Variants in VPS13D observed in about 807,000 individuals in gnomAD.
VPS13D encodes the protein intermembrane lipid transfer protein VPS13D.
In VPS13D, 187 loss-of-function variants were observed where a neutral mutation model predicts 461.9. The ratio of observed to expected loss-of-function variants is 0.40; its 90% CI spans 0.36 to 0.46. VPS13D has a LOEUF of 0.46. Among genes scored for constraint, VPS13D ranks in the 20% least tolerant of loss-of-function variants. VPS13D has a pLI of 0.60. For synonymous variants in VPS13D, 1,951 were observed against 1,986.3 expected (o/e 0.98, Z 0.47); for missense variants, 4,711 against 5,364.9 (o/e 0.88, Z 3.81).
chr1:12,271,680 A>AG (rs968826070), intron 17 of VPS13D, among the ~76,000 whole-genome samples: 3 of 150,934 alleles, frequency 2.0e-5, no homozygotes, highest in Admixed American at 2.0e-4. Context: ...AAGAAGAAGA[A>AG]AAAAAAAAGA....
intron 63 of VPS13D, among the ~76,000 whole-genome samples, chr1:12,410,447 G>A (rs1644709453): frequency 6.6e-6 from 1 of 152,296 alleles, no homozygotes; most frequent in Non-Finnish European, 1.5e-5. Flanking sequence ...CCTACCAGAA[G>A]CTAAAAACTC....
chr1:12,400,285 C>T lies in VPS13D; in HGVS notation c.11739C>T (p.Asn3913=), dbSNP rs142797581. The part of the protein sequence containing the change: ...VIETGPAVQV[N]AVKFPSKSAL... ...AGACCGGCCCAGCTGTGCAAGTCAA[C>T]GCAGTGAAGTTCCCCAGTAAGAGTG... Residue 3913 remains asparagine (N), a synonymous_variant, in exon 61 of 70, where the codon AAC becomes AAT. Coordinates refer to ENST00000620676, the MANE Select transcript of VPS13D (RefSeq NM_015378.4). The T allele has an allele frequency of 9.1e-5, 147 of 1,613,978 alleles. 1 individual carries two copies. Among genetic ancestry groups the T allele is most frequent in the Admixed American group, 3.5e-4 (21 of 59,996 alleles).
intron 67 of VPS13D, among the ~76,000 whole-genome samples, chr1:12,468,573 T>C (rs1645522038): frequency 6.6e-6 from 1 of 152,158 alleles, no homozygotes; most frequent in Non-Finnish European, 1.5e-5. Flanking sequence ...GAAGGAAAGA[T>C]AGGTGTGGGT....
Position 12,260,783 on chromosome 1 carries a change from G to A in VPS13D, c.1201G>A (p.Glu401Lys), listed in dbSNP as rs778430207. The change falls in exon 11 of 70, where the codon GAA becomes AAA. Residue 401 changes from glutamate to lysine, a missense_variant. Physicochemically the swap from Glu to Lys is moderately conservative, Grantham distance 56. Coordinates refer to ENST00000620676, the MANE Select transcript of VPS13D (RefSeq NM_015378.4). Reference protein sequence around the residue: ...LVHDRFHKQEELAESLREPQF... With the variant: ...LVHDRFHKQEKLAESLREPQF... ...TCATGATCGATTTCACAAACAGGAAGAACTAGCAGAGGTAAGAAATCCTCT... is the reference window on the plus strand; with the variant it reads ...TCATGATCGATTTCACAAACAGGAAAAACTAGCAGAGGTAAGAAATCCTCT... 6.2e-7 allele frequency: 1 copy of A among 1,614,140 alleles called. No individual in the cohort carries two copies. The highest frequency in any genetic ancestry group is 8.5e-7 in the Non-Finnish European group (1 of 1,180,014).
At chr1:12,272,396 T>G (rs907325987) in intron 17 of VPS13D, among the ~76,000 whole-genome samples, 3 of 141,390 alleles carry the variant, frequency 2.1e-5, no homozygotes, top group African/African-American at 8.5e-5. Context: ...TGTTTTGGTG[T>G]GTGTGTGTGT....
chr1:12,290,836 A>C (rs936589020), intron 22 of VPS13D, among the ~76,000 whole-genome samples, 162 bp from the exon 23 acceptor site: 2 of 152,160 alleles, frequency 1.3e-5, no homozygotes, highest in Admixed American at 6.5e-5. Context: ...TATTGCATAA[A>C]ATATTTTTTG....
chr1:12,495,345 A>G lies in VPS13D; in HGVS notation c.12663-2155A>G, dbSNP rs1645942846. Among the ~76,000 whole-genome samples the G allele has an allele frequency of 6.6e-6, 1 of 151,548 alleles. No homozygotes were observed. Among genetic ancestry groups the G allele is most frequent in the Admixed American group, 6.6e-5 (1 of 15,204 alleles). ...GCTAATTTTTTGTATTTTTAGTAGT[A>G]TTTTTAGTTTCACCGTGTTAGCCAG... is the stretch of plus-strand genomic sequence containing the variant. On this transcript the variant is annotated intron_variant, in intron 67 of 69. Transcript: ENST00000620676. This position sits in a 1 kb window ranked among gnomAD's most constrained non-coding sequence, Gnocchi z 4.0.
chr1:12,335,665 T>A (rs747830115), intron 38 of VPS13D, 40 bp from the exon 39 acceptor site: 2 of 1,562,912 alleles, frequency 1.3e-6, no homozygotes, highest in Non-Finnish European at 1.7e-6. Context: ...ACCCTCCATC[T>A]TTTTTAGTTC....
At chr1:12,341,681 T>G (rs1156361419) in intron 40 of VPS13D, 99 bp from the exon 41 acceptor site, 2 of 1,033,750 alleles carry the variant, frequency 1.9e-6, no homozygotes, top group Non-Finnish European at 2.9e-6. Flanking sequence ...TCAGCCCCTT[T>G]GCACAAGAGA....
At chr1:12,406,647 C>A (rs1324453568) in intron 63 of VPS13D, among the ~76,000 whole-genome samples, 1 of 152,122 alleles carries the variant, frequency 6.6e-6, no homozygotes, top group Admixed American at 6.5e-5. Flanking sequence ...GATAATAGTC[C>A]CATTTCACAA....
chr1:12,324,969 A>G (rs1329671280), intron 35 of VPS13D, among the ~76,000 whole-genome samples: 1 of 152,200 alleles, frequency 6.6e-6, no homozygotes, highest in East Asian at 1.9e-4. Context: ...AGCCAGGTCT[A>G]CCTGCCTCCT....
At chr1:12,418,554 A>T (rs960310336) in intron 65 of VPS13D, among the ~76,000 whole-genome samples, 1 of 152,194 alleles carries the variant, frequency 6.6e-6, no homozygotes, top group Non-Finnish European at 1.5e-5. Flanking sequence ...CTTTACCATA[A>T]TTTTAAAAAT....
intron 57 of VPS13D, among the ~76,000 whole-genome samples, chr1:12,380,077 G>A (rs1244463078): frequency 1.3e-5 from 2 of 152,122 alleles, no homozygotes; most frequent in Non-Finnish European, 2.9e-5. Context: ...CCCCGCATTT[G>A]TGTATGTTTA....
intron 68 of VPS13D, chr1:12,499,626 G>A: frequency 1.0e-6 from 1 of 985,422 alleles, no homozygotes; most frequent in Non-Finnish European, 1.2e-6. Context: ...ATATGAACTA[G>A]GAAGAGATAT....
At position 12,292,739 on chromosome 1, in the gene VPS13D, AGT is replaced by A. The variant is rs201594430; in HGVS notation, c.5853-776_5853-775del. On this transcript the variant is annotated intron_variant, in intron 23 of 69. Transcript: ENST00000620676. ...CAGGCGTGAGCCACCGTGCCTGGCC[AGT>A]GTGTGTGTTTTTTTTAAAATGCTGA... is the stretch of plus-strand genomic sequence containing the variant. 2.0e-3 allele frequency among the ~76,000 whole-genome samples: 302 copies of A among 152,026 alleles called. 1 individual carries two copies. Among genetic ancestry groups the A allele is most frequent in the East Asian group, 0.018 (91 of 5,166 alleles).
At chr1:12,415,379 T>C (rs930977786) in intron 64 of VPS13D, among the ~76,000 whole-genome samples, 158 bp downstream of exon 64, 7 of 152,222 alleles carry the variant, frequency 4.6e-5, no homozygotes, top group African/African-American at 9.6e-5. Context: ...GAAGCCCGTA[T>C]GTGTCATGAA....
intron 63 of VPS13D, among the ~76,000 whole-genome samples, chr1:12,411,169 A>C (rs1370747098): frequency 2.0e-5 from 3 of 152,216 alleles, no homozygotes; most frequent in Non-Finnish European, 2.9e-5. Context: ...AGGAAAATAA[A>C]AAGTTCGTTA....
At chr1:12,459,485 T>TTC (rs1414228108) in intron 66 of VPS13D, among the ~76,000 whole-genome samples, 48 of 148,938 alleles carry the variant, frequency 3.2e-4, no homozygotes, top group African/African-American at 1.2e-3. Context: ...TTCTTTTCTT[T>TTC]TTTTTTTTTT....
rs914286278 is a variant in VPS13D, at chr1:12,505,649, A to G, written c.12795-1204A>G. 6.6e-6 allele frequency among the ~76,000 whole-genome samples: 1 copy of G among 152,236 alleles called. No individual in the cohort carries two copies. Among genetic ancestry groups the G allele is most frequent in the African/African-American group, 2.4e-5 (1 of 41,470 alleles). ...GTCAGCAAAGAGACTTATCCAGGACATGTGGAAAGAATGAGTTTGTGCTTG... is the reference window on the plus strand; with the variant it reads ...GTCAGCAAAGAGACTTATCCAGGACGTGTGGAAAGAATGAGTTTGTGCTTG... On this transcript the variant is annotated intron_variant, in intron 68 of 69. Coordinates refer to ENST00000620676, the MANE Select transcript of VPS13D (RefSeq NM_015378.4). The surrounding 1 kb of genome is among the most constrained non-coding windows in gnomAD (Gnocchi z 4.2).
Sources: allele counts gnomAD v4.1 joint callset (sites outside exome capture counted in the v4.1 genomes callset), GRCh38; gene constraint gnomAD v4.1.1; non-coding constraint Gnocchi (gnomAD v3.1); transcripts MANE v1.5; gene names NCBI Gene and HGNC (gene_info 2026-07-23, HGNC 2026-07-21).